Variants in CCDC102B observed in about 807,000 individuals in gnomAD.
CCDC102B encodes the protein coiled-coil domain containing 102B.
In CCDC102B, 75 loss-of-function variants were observed where a neutral mutation model predicts 57.4. That is an observed-to-expected ratio of 1.31 (90% CI 1.08 to 1.58). The LOEUF (loss-of-function observed/expected upper bound fraction) is 1.58. Among genes scored for constraint, CCDC102B ranks in the 40% most tolerant of loss-of-function variants. The pLI, the probability that CCDC102B is intolerant of heterozygous loss-of-function variation, is 0.00. For synonymous variants in CCDC102B, 206 were observed against 201.9 expected, an observed-to-expected ratio of 1.02 and a Z score of -0.17; for missense variants, 636 against 582.6, an observed-to-expected ratio of 1.09 and a Z score of -0.94.
chr18:69,056,643 A>AGATGGATG (rs1555678892), downstream of CCDC102B, among the ~76,000 whole-genome samples: 348 of 146,856 alleles, frequency 2.4e-3, 2 homozygotes, highest in African/African-American at 7.6e-3. Context: ...GATAATAGAT[A>AGATGGATG]GATAGATAGA....
intron 2 of CCDC102B, chr18:68,721,356 C>G (rs2032317396): frequency 6.6e-6 from 1 of 152,158 alleles, no homozygotes; most frequent in African/African-American, 2.4e-5. Context: ...AACCCTTGTC[C>G]CTTTCCAGTG....
At chr18:68,826,805 G>T (rs1484583942) in intron 1 of CCDC102B, among the ~76,000 whole-genome samples, 1 of 151,938 alleles carries the variant, frequency 6.6e-6, no homozygotes, top group Non-Finnish European at 1.5e-5. Flanking sequence ...CTTTTTATTG[G>T]CATTTATTAG....
intron 4 of CCDC102B, among the ~76,000 whole-genome samples, chr18:68,863,846 T>C (rs1324114318): frequency 6.6e-6 from 1 of 152,000 alleles, no homozygotes; most frequent in Non-Finnish European, 1.5e-5. Flanking sequence ...AACCTCTTTA[T>C]ATTGTCTATT....
At chr18:68,730,869 G>A (rs1175403557) in intron 2 of CCDC102B, among the ~76,000 whole-genome samples, 1 of 152,138 alleles carries the variant, frequency 6.6e-6, no homozygotes, top group East Asian at 1.9e-4. Flanking sequence ...AGTATCAAAA[G>A]GACTGAGTAA....
intron 5 of CCDC102B, among the ~76,000 whole-genome samples, chr18:68,890,597 A>C (rs572439925): frequency 6.6e-6 from 1 of 152,312 alleles, no homozygotes; most frequent in South Asian, 2.1e-4. Flanking sequence ...CAAGATATGG[A>C]AGATTTTTTC....
intron 4 of CCDC102B, among the ~76,000 whole-genome samples, chr18:68,858,374 A>T (rs2038579666): frequency 6.6e-6 from 1 of 152,122 alleles, no homozygotes; most frequent in Non-Finnish European, 1.5e-5. Context: ...CATTTACATG[A>T]TCTTCCTATT....
intron 3 of CCDC102B, among the ~76,000 whole-genome samples, chr18:68,844,147 C>G (rs1378549488): frequency 5.9e-5 from 9 of 151,834 alleles, no homozygotes; most frequent in African/African-American, 9.7e-5. Context: ...GTAACTATTA[C>G]TTTCTTTGAA....
intron 6 of CCDC102B, among the ~76,000 whole-genome samples, chr18:68,965,227 G>C (rs1485291282): frequency 6.6e-6 from 1 of 151,780 alleles, no homozygotes; most frequent in Non-Finnish European, 1.5e-5. Flanking sequence ...CAGATCTCAG[G>C]AAGTCTGTTC....
chr18:68,985,088 A>G (rs1028882100), intron 6 of CCDC102B, among the ~76,000 whole-genome samples: 3 of 152,170 alleles, frequency 2.0e-5, no homozygotes, highest in Non-Finnish European at 4.4e-5. Flanking sequence ...AAGTCTACAC[A>G]ATTTGTATAC....
intron 7 of CCDC102B, among the ~76,000 whole-genome samples, chr18:69,018,213 TACAC>T (rs765706070): frequency 6.6e-6 from 1 of 152,238 alleles, no homozygotes; most frequent in Non-Finnish European, 1.5e-5. Flanking sequence ...TCATTTCACA[TACAC>T]ACACATGCGT....
intron 6 of CCDC102B, among the ~76,000 whole-genome samples, chr18:68,955,648 C>G (rs2049824291): frequency 6.6e-6 from 1 of 151,424 alleles, no homozygotes; most frequent in South Asian, 2.1e-4. Context: ...GCTTTAATTA[C>G]CATCTGGCTG....
At chr18:68,735,986 CACTT>C (rs1257741288) in intron 2 of CCDC102B, among the ~76,000 whole-genome samples, 1 of 152,144 alleles carries the variant, frequency 6.6e-6, no homozygotes. Context: ...CTTTGTGAAT[CACTT>C]TTCTCTTGAG....
intron 2 of CCDC102B, among the ~76,000 whole-genome samples, chr18:68,749,182 T>C (rs1293321715): frequency 2.0e-5 from 3 of 152,194 alleles, no homozygotes; most frequent in Admixed American, 6.6e-5. Flanking sequence ...ACTGTAGCCT[T>C]GTAGTATAGT....
chr18:69,053,258 A>T (rs1389316611), intron 7 of CCDC102B, among the ~76,000 whole-genome samples: 1 of 151,660 alleles, frequency 6.6e-6, no homozygotes, highest in African/African-American at 2.4e-5. Flanking sequence ...TATAGCATGA[A>T]ATACCTTTTT....
intron 2 of CCDC102B, among the ~76,000 whole-genome samples, chr18:68,738,187 G>A (rs1031823909): frequency 3.9e-5 from 6 of 152,062 alleles, no homozygotes; most frequent in African/African-American, 1.2e-4. Flanking sequence ...TTCCTTGGTC[G>A]TATGTCCACT....
intron 6 of CCDC102B, among the ~76,000 whole-genome samples, chr18:68,937,231 T>C (rs1300106274): frequency 6.6e-6 from 1 of 152,010 alleles, no homozygotes; most frequent in Non-Finnish European, 1.5e-5. Flanking sequence ...GACAGCACTT[T>C]AGCAAAATGC....
intron 6 of CCDC102B, among the ~76,000 whole-genome samples, chr18:68,950,250 T>C (rs1356875119): frequency 2.0e-5 from 3 of 152,106 alleles, no homozygotes; most frequent in Non-Finnish European, 4.4e-5. Flanking sequence ...TCCAAATGTA[T>C]AGATGTGAAT....
At chr18:69,055,636 A>T (rs2052803404), downstream of CCDC102B, among the ~76,000 whole-genome samples, 1 of 152,056 alleles carries the variant, frequency 6.6e-6, no homozygotes, top group East Asian at 1.9e-4. Flanking sequence ...TTGCCTGACC[A>T]TGTTTCTCTG....
chr18:68,949,741 G>C (rs563208900), intron 6 of CCDC102B, among the ~76,000 whole-genome samples: 1 of 151,652 alleles, frequency 6.6e-6, no homozygotes, highest in Non-Finnish European at 1.5e-5. Context: ...TTCGTCTTTC[G>C]CTACTCTGTA....
Sources: gnomAD v4.1 joint callset for allele counts (sites outside exome capture counted in the v4.1 genomes callset) on GRCh38, gnomAD v4.1.1 for gene constraint, MANE v1.5 for transcripts, NCBI Gene and HGNC (gene_info 2026-07-23, HGNC 2026-07-21) for gene names.